The following ESRRG variants were observed in gnomAD, a reference collection of about 807,000 sequenced individuals.
ESRRG encodes estrogen related receptor gamma, also known as estrogen-related receptor gamma.
In ESRRG, 13 loss-of-function variants were observed where a neutral mutation model predicts 44.0. The observed-to-expected ratio is 0.30, with a 90% CI of 0.19 to 0.47. The LOEUF (loss-of-function observed/expected upper bound fraction) is 0.47. ESRRG is among the 20% of genes least tolerant of loss of function. The pLI is 1.00. For missense variants in ESRRG, 395 were observed against 580.6 expected (o/e 0.68, Z 3.29); for synonymous variants, 215 against 214.6 (o/e 1.00, Z -0.02).
intron 3 of ESRRG, among the ~76,000 whole-genome samples, chr1:216,570,992 G>A (rs1010350582): frequency 3.3e-5 from 5 of 152,044 alleles, no homozygotes; most frequent in African/African-American, 9.7e-5. Flanking sequence ...GAAGATCTGC[G>A]GAAAAAGACC....
At chr1:216,743,158 G>T (rs1026704723) in intron 2 of ESRRG, among the ~76,000 whole-genome samples, 5 of 152,148 alleles carry the variant, frequency 3.3e-5, no homozygotes, top group African/African-American at 1.2e-4. Context: ...TGTATAAAAG[G>T]TGTGCTTTAA....
At chr1:216,920,726 C>T (rs943852267) in intron 2 of ESRRG, among the ~76,000 whole-genome samples, 8 of 152,146 alleles carry the variant, frequency 5.3e-5, no homozygotes, top group African/African-American at 1.9e-4. Context: ...TTTCTAGCTA[C>T]AGAATGTCAA....
At chr1:216,591,576 T>C (rs1251369972) in intron 3 of ESRRG, among the ~76,000 whole-genome samples, 1 of 152,234 alleles carries the variant, frequency 6.6e-6, no homozygotes, top group East Asian at 1.9e-4. Context: ...TTTCATTTTA[T>C]ACCACAAATA....
chr1:216,510,372 C>A (rs1029474712), intron 6 of ESRRG, among the ~76,000 whole-genome samples: 1 of 152,084 alleles, frequency 6.6e-6, no homozygotes, highest in Non-Finnish European at 1.5e-5. Context: ...AGTCTAACAC[C>A]TAATAATAAA....
At chr1:216,558,585 G>C (rs2058064374) in intron 5 of ESRRG, among the ~76,000 whole-genome samples, 1 of 152,058 alleles carries the variant, frequency 6.6e-6, no homozygotes, top group Non-Finnish European at 1.5e-5. Context: ...ACTGAATGCT[G>C]TACATTTAGA....
chr1:216,717,720 A>T (rs1378097951), intron 1 of ESRRG, among the ~76,000 whole-genome samples: 2 of 151,850 alleles, frequency 1.3e-5, no homozygotes, highest in Non-Finnish European at 3.0e-5. Flanking sequence ...TTAGAATAAA[A>T]TTAAATAATT....
chr1:216,934,717 AC>A (rs1282517785), intron 2 of ESRRG, among the ~76,000 whole-genome samples: 2 of 152,154 alleles, frequency 1.3e-5, no homozygotes. Flanking sequence ...CTCCCACAAC[AC>A]ATGGGAATTA....
chr1:216,562,083 C>G (rs1001636664), intron 5 of ESRRG, among the ~76,000 whole-genome samples: 1 of 152,152 alleles, frequency 6.6e-6, no homozygotes, highest in African/African-American at 2.4e-5. Flanking sequence ...CACTCACTTT[C>G]CTTACTAGAA....
Position 216,554,425 on chromosome 1 carries a change from G to T in ESRRG, c.862+9794C>A, listed in dbSNP as rs554752062. Reference sequence around the variant, plus strand: ...GCCAAGATCATGCCACTGCACTCCAGCCTGGGCGACAAGAGTGACTCTGTC... The same window carrying T: ...GCCAAGATCATGCCACTGCACTCCATCCTGGGCGACAAGAGTGACTCTGTC... On this transcript the variant is annotated intron_variant, in intron 5 of 6. Coordinates refer to ENST00000408911, the MANE Select transcript of ESRRG (RefSeq NM_001438.4). Among the ~76,000 whole-genome samples, 332 of 150,590 alleles carry T rather than the reference G, an allele frequency of 2.2e-3. 2 individuals are homozygous for T. Among genetic ancestry groups the T allele is most frequent in the African/African-American group, 7.8e-3 (318 of 40,934 alleles).
chr1:216,672,662 G>C (rs959177441), intron 2 of ESRRG, among the ~76,000 whole-genome samples: 2 of 152,118 alleles, frequency 1.3e-5, no homozygotes, highest in African/African-American at 4.8e-5. Context: ...GAGGCTAGGA[G>C]TTTGAGACCA....
At chr1:216,922,622 G>A (rs1200640606) in intron 2 of ESRRG, among the ~76,000 whole-genome samples, 2 of 152,146 alleles carry the variant, frequency 1.3e-5, no homozygotes, top group African/African-American at 4.8e-5. Context: ...ATAGTTGCAG[G>A]ATTTCAACTT....
At chr1:216,907,698 C>A (rs1395383375) in intron 2 of ESRRG, among the ~76,000 whole-genome samples, 1 of 152,158 alleles carries the variant, frequency 6.6e-6, no homozygotes, top group Non-Finnish European at 1.5e-5. Flanking sequence ...TATCTAAATT[C>A]TAGATGCATC....
At chr1:216,756,715 G>A (rs775757614) in intron 2 of ESRRG, among the ~76,000 whole-genome samples, 6 of 151,930 alleles carry the variant, frequency 3.9e-5, no homozygotes, top group African/African-American at 9.7e-5. Context: ...ATTAAAGAGC[G>A]AAATGTTGAC....
intron 5 of ESRRG, among the ~76,000 whole-genome samples, chr1:216,543,426 GAAAT>G (rs1199423917): frequency 6.6e-6 from 1 of 151,960 alleles, no homozygotes; most frequent in Non-Finnish European, 1.5e-5. Context: ...GATGAGTAAA[GAAAT>G]AACTGCCTTG....
intron 1 of ESRRG, among the ~76,000 whole-genome samples, chr1:216,968,949 T>C (rs561975707): frequency 1.3e-4 from 20 of 152,290 alleles, no homozygotes; most frequent in African/African-American, 3.4e-4. Context: ...TATACTCAAG[T>C]GTTTTACTTT....
intron 2 of ESRRG, among the ~76,000 whole-genome samples, chr1:216,779,912 T>G (rs142709496): frequency 1.3e-5 from 2 of 151,870 alleles, no homozygotes; most frequent in East Asian, 2.0e-4. Context: ...AGATTCACAT[T>G]AAAAATCAAA....
At chr1:217,004,758 G>A (rs1010256182) in intron 1 of ESRRG, among the ~76,000 whole-genome samples, 2 of 152,156 alleles carry the variant, frequency 1.3e-5, no homozygotes, top group African/African-American at 2.4e-5. Context: ...GTATTCTCAT[G>A]AATGATGCTG....
chr1:216,629,712 A>G (rs1193785761), intron 3 of ESRRG, among the ~76,000 whole-genome samples: 2 of 152,098 alleles, frequency 1.3e-5, no homozygotes, highest in Non-Finnish European at 2.9e-5. Flanking sequence ...GATCATTAGA[A>G]ACAGTTATGC....
chr1:216,696,476 T>C (rs781318680), intron 1 of ESRRG, among the ~76,000 whole-genome samples: 1 of 152,100 alleles, frequency 6.6e-6, no homozygotes, highest in South Asian at 2.1e-4. Flanking sequence ...ATAACAAAAC[T>C]GTGACCAAAT....
Sources: gnomAD v4.1 joint callset for allele counts (sites outside exome capture counted in the v4.1 genomes callset) on GRCh38, gnomAD v4.1.1 for gene constraint, MANE v1.5 for transcripts, NCBI Gene and HGNC (gene_info 2026-07-23, HGNC 2026-07-21) for gene names.